The following PROM1 variants were observed in gnomAD, a reference collection of about 807,000 sequenced individuals.
The protein encoded by PROM1 is prominin-1.
In PROM1, 105 loss-of-function variants were observed where a neutral mutation model predicts 116.9. The observed-to-expected ratio is 0.90, with a 90% CI of 0.77 to 1.06. The LOEUF (loss-of-function observed/expected upper bound fraction) is 1.06. Ranked by LOEUF, PROM1 falls within the 50% of genes least tolerant of loss-of-function variation. The probability of loss-of-function intolerance (pLI) is 0.00; values close to 1 mark genes in which losing one functional copy is unlikely to be tolerated. For missense variants in PROM1, 1,122 were observed against 1,045.2 expected, an observed-to-expected ratio of 1.07 and a Z score of -1.01; for synonymous variants, 393 against 387.0, an observed-to-expected ratio of 1.02 and a Z score of -0.18.
At chr4:16,064,446 G>A (rs1741053506) in intron 2 of PROM1, among the ~76,000 whole-genome samples, 1 of 152,180 alleles carries the variant, frequency 6.6e-6, no homozygotes, top group African/African-American at 2.4e-5. Flanking sequence ...CTTGGGAGGA[G>A]GCAGGAGACA....
chr4:16,054,678 A>G (rs1381566027), intron 2 of PROM1, among the ~76,000 whole-genome samples: 3 of 152,232 alleles, frequency 2.0e-5, no homozygotes, highest in Admixed American at 1.3e-4. Flanking sequence ...TGCCCAATAC[A>G]TATTGAGCAA....
chr4:15,998,089 C>T lies in PROM1; in HGVS notation c.1682+296G>A, dbSNP rs919967796. Among the ~76,000 whole-genome samples the T allele has an allele frequency of 2.6e-5, 4 of 152,184 alleles. No homozygotes were observed. In the East Asian group the frequency reaches 7.7e-4, roughly 29 times the overall value. On this transcript the variant is annotated intron_variant, in intron 15 of 27. Coordinates refer to ENST00000447510, the MANE Select transcript of PROM1 (RefSeq NM_006017.3). ...TACTTAGAGCAATGTGGTTCTTGAACAAGATCTCTCATGGGGTCCCATTAG... is the reference window on the plus strand; with the variant it reads ...TACTTAGAGCAATGTGGTTCTTGAATAAGATCTCTCATGGGGTCCCATTAG...
intron 1 of PROM1, among the ~76,000 whole-genome samples, chr4:16,081,048 TATATATGTATATGTATA>T (rs1053405127): frequency 6.0e-5 from 9 of 150,240 alleles, no homozygotes; most frequent in African/African-American, 2.2e-4. Flanking sequence ...CATATACATA[TATATATGTATATGTATA>T]TATATTTTTT....
chr4:16,003,083 GCA>G (rs1019900338), intron 13 of PROM1, among the ~76,000 whole-genome samples: 105 of 152,268 alleles, frequency 6.9e-4, no homozygotes, highest in African/African-American at 2.3e-3. Flanking sequence ...CCCCTGATTT[GCA>G]CAGTTAGGAT....
intron 16 of PROM1, among the ~76,000 whole-genome samples, chr4:15,992,592 A>T (rs1288689942): frequency 6.6e-6 from 1 of 152,134 alleles, no homozygotes; most frequent in Non-Finnish European, 1.5e-5. Flanking sequence ...GTCTCTATTT[A>T]AAAAAAATTT....
At chr4:15,998,618 C>A in intron 14 of PROM1, 130 bp from the exon 15 acceptor site, 1 of 974,818 alleles carries the variant, frequency 1.0e-6, no homozygotes, top group Non-Finnish European at 1.4e-6. Context: ...GGTTGATTTC[C>A]AACTTATAAC....
At position 16,075,867 on chromosome 4, in the gene PROM1, A is replaced by G; in HGVS notation, c.40T>C (p.Cys14Arg). 6.2e-7 allele frequency: 1 copy of G among 1,613,542 alleles called. No homozygotes were observed. The highest frequency in any genetic ancestry group is 8.5e-7 in the Non-Finnish European group (1 of 1,179,748). Residue 14 changes from cysteine to arginine, a missense_variant, in exon 2 of 28, where the codon TGC becomes CGC. Transcript: ENST00000447510. ...VLGSLLLLGL[C>R]GNSFSGGQPS... ...TGCCCTCCTGAAAAGGAGTTCCCGC[A>G]CAGCCCCAGCAGCAACAGGGAGCCG...
At chr4:16,040,123 C>A (rs1012810127) in intron 2 of PROM1, among the ~76,000 whole-genome samples, 1 of 152,174 alleles carries the variant, frequency 6.6e-6, no homozygotes, top group African/African-American at 2.4e-5. Flanking sequence ...GCAAACGAAA[C>A]ACTACATCAA....
intron 15 of PROM1, among the ~76,000 whole-genome samples, chr4:15,995,872 T>C (rs1464695465): frequency 2.6e-5 from 4 of 152,190 alleles, no homozygotes; most frequent in Non-Finnish European, 5.9e-5. Context: ...GAACACTTCT[T>C]TACAGATCTA....
Position 16,038,963 on chromosome 4 carries a change from T to C in PROM1, c.259A>G (p.Lys87Glu). The C allele has an allele frequency of 4.7e-6, 7 of 1,500,786 alleles. No homozygotes were observed. The highest frequency in any genetic ancestry group is 6.2e-6 in the Non-Finnish European group (7 of 1,123,494). 93.0% of individuals were successfully genotyped at this position (1,500,786 alleles called of 1,614,324 possible). The change falls in exon 3 of 28, where the codon AAA (lysine) becomes GAA (glutamate). Residue 87 changes from lysine (K) to glutamate (E), a missense_variant. Coordinates refer to ENST00000447510, the MANE Select transcript of PROM1 (RefSeq NM_006017.3). ...RKFLQKAYESKIDYDKPETVI... is the reference protein window; with the variant it reads ...RKFLQKAYESEIDYDKPETVI... ...AAAATTACCTTGTCATAATCAATTTTGGATTCATATGCCTTCTGTAAGAAT... is the reference window on the plus strand; with the variant it reads ...AAAATTACCTTGTCATAATCAATTTCGGATTCATATGCCTTCTGTAAGAAT...
At chr4:16,045,708 C>T (rs148948000) in intron 2 of PROM1, among the ~76,000 whole-genome samples, 1 of 152,222 alleles carries the variant, frequency 6.6e-6, no homozygotes, top group African/African-American at 2.4e-5. Context: ...GCTTATAGAC[C>T]AGCACCCACA....
chr4:16,079,507 T>C (rs1430400082), intron 1 of PROM1: 1 of 151,820 alleles, frequency 6.6e-6, no homozygotes, highest in Non-Finnish European at 1.5e-5. Context: ...AGAGGAAGAG[T>C]TTTTTATCTC....
chr4:16,044,646 G>C (rs1736093330), intron 2 of PROM1, among the ~76,000 whole-genome samples: 1 of 152,134 alleles, frequency 6.6e-6, no homozygotes, highest in African/African-American at 2.4e-5. Flanking sequence ...TTTCCAAAAA[G>C]ACACAGAATA....
chr4:15,978,015 C>G (rs142369538), intron 26 of PROM1, among the ~76,000 whole-genome samples: 2 of 152,286 alleles, frequency 1.3e-5, no homozygotes, highest in Admixed American at 6.5e-5. Flanking sequence ...GAAGGCAAAG[C>G]CCTCATTAGT....
At chr4:15,990,620 T>A (rs1720734348) in intron 18 of PROM1, among the ~76,000 whole-genome samples, 1 of 152,124 alleles carries the variant, frequency 6.6e-6, no homozygotes, top group Non-Finnish European at 1.5e-5. Context: ...GTGCCCGCAC[T>A]CAGAGCAGAG....
At chr4:16,039,335 T>C (rs1734645605) in intron 2 of PROM1, among the ~76,000 whole-genome samples, 1 of 152,232 alleles carries the variant, frequency 6.6e-6, no homozygotes, top group Admixed American at 6.5e-5. Flanking sequence ...TTTGCTGAAA[T>C]TGCTAATTCT....
intron 2 of PROM1, among the ~76,000 whole-genome samples, chr4:16,075,030 T>G (rs1384201055): frequency 6.6e-6 from 1 of 152,190 alleles, no homozygotes; most frequent in African/African-American, 2.4e-5. Flanking sequence ...CATAATCCCT[T>G]TTCTATGAAC....
chr4:16,075,301 A>G (rs1267902390), intron 2 of PROM1, among the ~76,000 whole-genome samples: 2 of 152,230 alleles, frequency 1.3e-5, no homozygotes, highest in East Asian at 3.8e-4. Context: ...TGAGGTGGCC[A>G]TCAGTTGCTA....
chr4:15,999,164 C>A (rs1356886755), intron 14 of PROM1, among the ~76,000 whole-genome samples: 2 of 151,864 alleles, frequency 1.3e-5, no homozygotes, highest in Non-Finnish European at 1.5e-5. Context: ...TCTCTCTGGA[C>A]AAAATGTATT....
Sources: allele counts gnomAD v4.1 joint callset (sites outside exome capture counted in the v4.1 genomes callset), GRCh38; gene constraint gnomAD v4.1.1; transcripts MANE v1.5; gene names NCBI Gene and HGNC (gene_info 2026-07-23, HGNC 2026-07-21).